Variants in RYR3 observed in about 807,000 individuals in gnomAD.
RYR3 encodes brain ryanodine receptor-calcium release channel.
RYR3 carries 207 observed loss-of-function variants against 584.3 expected under a neutral mutation model. The ratio of observed to expected loss-of-function variants is 0.35; its 90% CI spans 0.32 to 0.40. The LOEUF is 0.40. Ranked by LOEUF, RYR3 falls within the 10% of genes least tolerant of loss-of-function variation. The pLI, the probability that RYR3 is intolerant of heterozygous loss-of-function variation, is 1.00. For synonymous variants in RYR3, 2,416 were observed against 2,248.5 expected (o/e 1.07, Z -2.11); for missense variants, 5,616 against 6,089.2 (o/e 0.92, Z 2.59).
chr15:33,659,785 G>T lies in RYR3; in HGVS notation c.4374G>T (p.Gln1458His), dbSNP rs781388980. ...AGCCTACAAGTACTTCTTTGTTTCA[G>T]TTTGAACTTGGAAAGCTGAAGGTAT... ...FLQPTSTSLFQFELGKLKNAM... is the reference protein window; with the variant it reads ...FLQPTSTSLFHFELGKLKNAM... Residue 1458 changes from glutamine to histidine, a missense_variant, in exon 33 of 104, where the codon CAG becomes CAT. Gln to His is a conservative substitution (Grantham distance 24). Around this residue, in one of 9 missense-constraint regions of RYR3, gnomAD observed 753 missense variants for 741.0 expected, o/e 1.02. Coordinates refer to ENST00000634891, the MANE Select transcript of RYR3 (RefSeq NM_001036.6). The T allele has an allele frequency of 6.2e-7, 1 of 1,612,070 alleles. No individual in the cohort carries two copies. The highest frequency in any genetic ancestry group is 8.5e-7 in the Non-Finnish European group (1 of 1,178,246).
At chr15:33,416,268 A>G (rs2043803994) in intron 1 of RYR3, among the ~76,000 whole-genome samples, 1 of 152,322 alleles carries the variant, frequency 6.6e-6, no homozygotes, top group South Asian at 2.1e-4. Context: ...TAGTTATTTA[A>G]GAAATCTCCA....
At chr15:33,568,458 G>A (rs529973721) in intron 12 of RYR3, among the ~76,000 whole-genome samples, 1 of 151,962 alleles carries the variant, frequency 6.6e-6, no homozygotes, top group Non-Finnish European at 1.5e-5. Flanking sequence ...GTACAGTTCC[G>A]TGAGACTTTA....
chr15:33,609,193 C>G (rs1321564856), intron 18 of RYR3, among the ~76,000 whole-genome samples: 1 of 152,260 alleles, frequency 6.6e-6, no homozygotes, highest in Non-Finnish European at 1.5e-5. Context: ...CAGCAAGGAT[C>G]TGAATACTTT....
chr15:33,596,482 ATTG>A lies in RYR3; in HGVS notation c.1789-4934_1789-4932del, dbSNP rs2059374374. On this transcript the variant is annotated intron_variant, in intron 16 of 103. Transcript: ENST00000634891. ...AGAGATTTGATCTGACCAACTCAATATTGTTCTTTTTTTGGGGGGGGGGGATTT... is the reference window on the plus strand; with the variant it reads ...AGAGATTTGATCTGACCAACTCAATATTCTTTTTTTGGGGGGGGGGGATTT... Among the ~76,000 whole-genome samples, 4 of 72,102 alleles carry A rather than the reference ATTG, an allele frequency of 5.5e-5. No individual in the cohort carries two copies. The South Asian group carries it at 2.1e-3, about 39-fold the overall frequency. The allele number at this position is 72,102 out of a possible 152,430, so 47.3% of individuals were successfully genotyped here.
rs1007762860 is a variant in RYR3, at chr15:33,669,243, C to G, written c.5620-111C>G. 2.6e-5 allele frequency: 17 copies of G among 652,030 alleles called. No individual in the cohort carries two copies. The South Asian group carries it at 5.7e-4, about 22-fold the overall frequency. 40.4% of individuals were successfully genotyped at this position (652,030 alleles called of 1,614,324 possible). The stretch of plus-strand genomic sequence containing the variant: ...CCACTTTTACCAAAAAAAAAAAAAT[C>G]ACTAAGTAAAATAAATTTGAAAAGA... On this transcript the variant is annotated intron_variant, in intron 36 of 103. Coordinates refer to ENST00000634891, the MANE Select transcript of RYR3 (RefSeq NM_001036.6).
intron 1 of RYR3, among the ~76,000 whole-genome samples, chr15:33,315,901 A>G (rs911215129): frequency 3.9e-5 from 6 of 152,236 alleles, no homozygotes; most frequent in East Asian, 1.9e-4. Context: ...TTGGAATGCA[A>G]TGCGGCCCAC....
chr15:33,631,254 C>T lies in RYR3; in HGVS notation c.2828C>T (p.Ala943Val), dbSNP rs543955292. Residue 943 changes from alanine (A) to valine (V), a missense_variant, in exon 23 of 104, where the codon GCT (alanine) becomes GTT (valine). Ala to Val is a moderately conservative substitution (Grantham distance 64). This residue lies in a region of RYR3 where 1,284 missense variants were observed against 1,344.6 expected (regional missense o/e 0.95). Coordinates refer to ENST00000634891, the MANE Select transcript of RYR3 (RefSeq NM_001036.6). ...TGCCACATTGCTCATGTTAACCCAG[C>T]TGCTGAGGAGGATCTCAAGAAGGTC... is the stretch of plus-strand genomic sequence containing the variant. ...LGCHIAHVNPAAEEDLKKVKL... is the reference protein window; with the variant it reads ...LGCHIAHVNPVAEEDLKKVKL... The T allele has an allele frequency of 1.3e-5, 20 of 1,591,416 alleles. No homozygotes were observed. In the South Asian group the frequency reaches 2.3e-4, roughly 18 times the overall value.
chr15:33,654,486 G>A (rs925542079), intron 32 of RYR3, among the ~76,000 whole-genome samples: 1 of 149,010 alleles, frequency 6.7e-6, no homozygotes, highest in Non-Finnish European at 1.5e-5. Context: ...ACCCTACTCT[G>A]AGTGACTGAG....
intron 1 of RYR3, among the ~76,000 whole-genome samples, chr15:33,451,380 T>A (rs994858783): frequency 6.6e-6 from 1 of 152,080 alleles, no homozygotes; most frequent in Admixed American, 6.5e-5. Flanking sequence ...CTGGACAGTA[T>A]AAAATGAACG....
In RYR3 at chr15:33,811,063, A is replaced by T. The variant is rs375822286; in HGVS notation, c.10257+26A>T. The T allele has an allele frequency of 6.3e-6, 10 of 1,589,150 alleles. 1 individual carries two copies. In the African/African-American group the frequency reaches 1.3e-4, roughly 21 times the overall value. On this transcript the variant is annotated intron_variant, in intron 72 of 103. Transcript: ENST00000634891. ...GTGATGACTCAGGACAGCAGTGAGAACTCACACCGGCTTTCCTTCTGGCTG... is the reference window on the plus strand; with the variant it reads ...GTGATGACTCAGGACAGCAGTGAGATCTCACACCGGCTTTCCTTCTGGCTG...
chr15:33,854,652 CAGCACCTA>C (rs1287960472), intron 97 of RYR3, 106 bp from the exon 98 acceptor site: 1 of 1,370,134 alleles, frequency 7.3e-7, no homozygotes, highest in Non-Finnish European at 1.0e-6. Flanking sequence ...CACAGCACCT[CAGCACCTA>C]AACCCCCTCT....
rs370199155 is a variant in RYR3 at position 33,412,393 on chromosome 15, G to A, written c.52-61026G>A. ...TCTCAGTGGGAGACAAACTGACAGCGGAAACCCTGGCTCTATTTAAGGCTT... is the reference window on the plus strand; with the variant it reads ...TCTCAGTGGGAGACAAACTGACAGCAGAAACCCTGGCTCTATTTAAGGCTT... On this transcript the variant is annotated intron_variant, in intron 1 of 103. Transcript: ENST00000634891. This position sits in a 1 kb window ranked among gnomAD's most constrained non-coding sequence, Gnocchi z 4.3. Among the ~76,000 whole-genome samples, 6 of 152,094 alleles carry A rather than the reference G, an allele frequency of 3.9e-5. No homozygotes were observed. The highest frequency in any genetic ancestry group is 6.5e-5 in the Admixed American group (1 of 15,272).
intron 1 of RYR3, among the ~76,000 whole-genome samples, chr15:33,402,259 T>C (rs1051901329): frequency 1.2e-4 from 18 of 152,222 alleles, no homozygotes; most frequent in African/African-American, 4.1e-4. Context: ...TTGATTCATT[T>C]ACAAGAGTGT....
intron 1 of RYR3, among the ~76,000 whole-genome samples, chr15:33,338,524 T>C (rs948201385): frequency 7.2e-5 from 11 of 152,164 alleles, no homozygotes; most frequent in African/African-American, 2.7e-4. Context: ...ACTGCACCTG[T>C]AAAGACAAGT....
chr15:33,526,931 A>G (rs1426799646), intron 3 of RYR3, among the ~76,000 whole-genome samples: 1 of 152,246 alleles, frequency 6.6e-6, no homozygotes, highest in East Asian at 1.9e-4. Flanking sequence ...GTTTGAGCAC[A>G]GAACTGAATA....
At chr15:33,351,179 C>G (rs1312699644) in intron 1 of RYR3, among the ~76,000 whole-genome samples, 1 of 152,122 alleles carries the variant, frequency 6.6e-6, no homozygotes, top group African/African-American at 2.4e-5. Context: ...ATAAACTCCT[C>G]GACACATACA....
intron 38 of RYR3, among the ~76,000 whole-genome samples, chr15:33,671,580 A>G (rs1038094376): frequency 1.3e-5 from 2 of 152,116 alleles, no homozygotes; most frequent in African/African-American, 4.8e-5. Context: ...GGGACTTGGC[A>G]ATGGCAACCC....
chr15:33,674,102 A>T (rs1414341739), intron 38 of RYR3, among the ~76,000 whole-genome samples: 1 of 152,176 alleles, frequency 6.6e-6, no homozygotes, highest in African/African-American at 2.4e-5. Context: ...GTCCTTACGT[A>T]TGTTACCTCT....
intron 72 of RYR3, among the ~76,000 whole-genome samples, chr15:33,811,390 A>G (rs2076533477): frequency 6.6e-6 from 1 of 151,918 alleles, no homozygotes; most frequent in Non-Finnish European, 1.5e-5. Context: ...CTGTAGTCTC[A>G]GCTACTTGGG....
Sources: allele counts gnomAD v4.1 joint callset (sites outside exome capture counted in the v4.1 genomes callset), GRCh38; gene constraint gnomAD v4.1.1; regional missense constraint gnomAD v4.1.1; non-coding constraint Gnocchi (gnomAD v3.1); transcripts MANE v1.5; gene names NCBI Gene and HGNC (gene_info 2026-07-23, HGNC 2026-07-21).